KLHL20: variants seen among roughly 807,000 people sequenced by gnomAD.
KLHL20 encodes the protein kelch like family member 20.
A neutral mutation model predicts 69.5 loss-of-function variants in KLHL20; 29 were observed. The observed-to-expected ratio is 0.42, with a 90% CI of 0.31 to 0.57. The LOEUF is 0.57. Ranked by LOEUF, KLHL20 falls within the 20% of genes least tolerant of loss-of-function variation. The pLI is 0.18. For missense variants in KLHL20, 419 were observed against 776.0 expected (o/e 0.54, Z 5.47); for synonymous variants, 253 against 265.2 (o/e 0.95, Z 0.45).
chr1:173,750,547 G>A (rs1427631464), intron 3 of KLHL20, among the ~76,000 whole-genome samples: 7 of 149,232 alleles, frequency 4.7e-5, no homozygotes, highest in East Asian at 4.0e-4. Context: ...GTGAAATGGC[G>A]CAATCTTGGC....
intron 2 of KLHL20, among the ~76,000 whole-genome samples, chr1:173,722,999 G>A (rs1234134961): frequency 6.6e-6 from 1 of 152,070 alleles, no homozygotes; most frequent in African/African-American, 2.4e-5. Flanking sequence ...ACTATGGTAT[G>A]TTTAAAAGAA....
intron 3 of KLHL20, among the ~76,000 whole-genome samples, chr1:173,738,040 G>T (rs923627538): frequency 2.0e-5 from 3 of 150,336 alleles, no homozygotes; most frequent in Non-Finnish European, 4.4e-5. Context: ...CAGTACTACT[G>T]GTTTGTGTAC....
chr1:173,762,999 C>G (rs1364606285), intron 7 of KLHL20, among the ~76,000 whole-genome samples: 1 of 152,134 alleles, frequency 6.6e-6, no homozygotes, highest in Non-Finnish European at 1.5e-5. Flanking sequence ...CTAGAAAGCT[C>G]CTAGAACTGA....
chr1:173,766,353 A>C, intron 8 of KLHL20, 64 bp downstream of exon 8: 1 of 1,442,870 alleles, frequency 6.9e-7, no homozygotes, highest in South Asian at 1.5e-5. Flanking sequence ...TCTTTAAAAG[A>C]AAAACTACAG....
chr1:173,758,801 GA>G (rs1210330051), intron 7 of KLHL20, among the ~76,000 whole-genome samples: 3 of 152,220 alleles, frequency 2.0e-5, no homozygotes, highest in African/African-American at 7.2e-5. Flanking sequence ...AGGAGCAGGG[GA>G]TAAAACTCCC....
At chr1:173,733,233 G>C (rs1672369329) in intron 2 of KLHL20, among the ~76,000 whole-genome samples, 1 of 151,834 alleles carries the variant, frequency 6.6e-6, no homozygotes, top group Admixed American at 6.6e-5. Context: ...CATTCACCAG[G>C]CTGGTTTCGA....
chr1:173,741,922 C>A, intron 3 of KLHL20: 2 of 1,202,690 alleles, frequency 1.7e-6, no homozygotes, highest in Non-Finnish European at 2.4e-6. Flanking sequence ...CAGATGAAAG[C>A]AGCACTAAAA....
chr1:173,786,139 TTC>T lies in KLHL20; in HGVS notation c.*894_*895del, dbSNP rs1294892495. 2 of 152,532 alleles carry T rather than the reference TTC, an allele frequency of 1.3e-5. No individual in the cohort carries two copies. The highest frequency in any genetic ancestry group is 4.8e-5 in the African/African-American group (2 of 41,466). 9.4% of individuals were successfully genotyped at this position (152,532 alleles called of 1,614,324 possible). On this transcript the variant is annotated 3_prime_UTR_variant, in exon 12 of 12. Transcript: ENST00000209884. ...AGAAATGTCTTCTCCCAGCAGTGAATTCTGTTATGCAATTTATTCTTGATGCT... is the reference window on the plus strand; with the variant it reads ...AGAAATGTCTTCTCCCAGCAGTGAATTGTTATGCAATTTATTCTTGATGCT...
chr1:173,746,621 G>C (rs1261232865), intron 3 of KLHL20, among the ~76,000 whole-genome samples: 1 of 151,956 alleles, frequency 6.6e-6, no homozygotes, highest in African/African-American at 2.4e-5. Flanking sequence ...GATTTTGTAT[G>C]TGTGTTTTTA....
chr1:173,722,549 T>A (rs1361518482), intron 2 of KLHL20, among the ~76,000 whole-genome samples: 3 of 152,068 alleles, frequency 2.0e-5, no homozygotes, highest in Non-Finnish European at 2.9e-5. Flanking sequence ...ACCAGGAGTT[T>A]GAGGCTGCAG....
intron 7 of KLHL20, 90 bp downstream of exon 7, chr1:173,757,249 A>G: frequency 3.9e-6 from 5 of 1,274,936 alleles, no homozygotes; most frequent in Non-Finnish European, 5.5e-6. Context: ...TTAATGCTTT[A>G]GTATTGCATC....
intron 10 of KLHL20, among the ~76,000 whole-genome samples, chr1:173,779,174 A>C (rs1648683544): frequency 6.6e-6 from 1 of 152,038 alleles, no homozygotes; most frequent in Admixed American, 6.5e-5. Context: ...AGAAACTTTT[A>C]ATTTCTTCAT....
At chr1:173,776,615 G>A (rs1417941653) in intron 10 of KLHL20, among the ~76,000 whole-genome samples, 1 of 152,054 alleles carries the variant, frequency 6.6e-6, no homozygotes, top group Non-Finnish European at 1.5e-5. Flanking sequence ...CAAAAAATGG[G>A]GTCTAGTTTC....
At chr1:173,730,200 C>T (rs1258281810) in intron 2 of KLHL20, among the ~76,000 whole-genome samples, 1 of 152,132 alleles carries the variant, frequency 6.6e-6, no homozygotes, top group East Asian at 1.9e-4. Flanking sequence ...CTACAAACCA[C>T]TGCTCAATGA....
chr1:173,752,274 C>A (rs115729305), intron 4 of KLHL20, among the ~76,000 whole-genome samples: 1 of 151,346 alleles, frequency 6.6e-6, no homozygotes, highest in African/African-American at 2.4e-5. Flanking sequence ...TGAGATAATA[C>A]GTATTTGTCT....
chr1:173,734,539 G>T lies in KLHL20; in HGVS notation c.597+253G>T, dbSNP rs1404949365. 3 of 441,726 alleles carry T rather than the reference G, an allele frequency of 6.8e-6. No individual in the cohort carries two copies. The East Asian group carries it at 1.3e-4, about 20-fold the overall frequency. The allele number at this position is 441,726 out of a possible 1,614,324, so 27.4% of individuals were successfully genotyped here. A position where few individuals can be genotyped will look rare whatever the true frequency, so the allele number is the denominator to read the frequency against. ...GTATTTAAAAAAAAATTTTTAAAAA[G>T]GTTTATTTATAAGCCAAAATAGAGT... On this transcript the variant is annotated intron_variant, in intron 3 of 11. Transcript: ENST00000209884.
chr1:173,757,216 T>C, intron 7 of KLHL20, 57 bp downstream of exon 7: 1 of 1,454,274 alleles, frequency 6.9e-7, no homozygotes, highest in East Asian at 2.3e-5. Flanking sequence ...TTATTTGAGA[T>C]GTTAATTAGG....
At chr1:173,781,009 A>AAGAGGG (rs1281145191) in intron 10 of KLHL20, among the ~76,000 whole-genome samples, 3 of 138,424 alleles carry the variant, frequency 2.2e-5, no homozygotes, top group East Asian at 2.5e-4. Flanking sequence ...GAGAGAGGGA[A>AAGAGGG]AGAGGGAGAG....
intron 3 of KLHL20, among the ~76,000 whole-genome samples, chr1:173,741,091 C>CA (rs1476040754): frequency 6.6e-5 from 10 of 152,172 alleles, no homozygotes; most frequent in Non-Finnish European, 1.3e-4. Flanking sequence ...TCAGGTTCAC[C>CA]AGTGAGGATG....
Sources: gnomAD v4.1 joint callset for allele counts (sites outside exome capture counted in the v4.1 genomes callset) on GRCh38, gnomAD v4.1.1 for gene constraint, MANE v1.5 for transcripts, NCBI Gene and HGNC (gene_info 2026-07-23, HGNC 2026-07-21) for gene names.